The following TUSC3 variants were observed in gnomAD, a reference collection of about 807,000 sequenced individuals.
TUSC3 encodes dolichyl-diphosphooligosaccharide--protein glycosyltransferase subunit TUSC3.
In TUSC3, 45 loss-of-function variants were observed where a neutral mutation model predicts 44.8. That is an observed-to-expected ratio of 1.00 (90% CI 0.79 to 1.29). The LOEUF (loss-of-function observed/expected upper bound fraction) is 1.29, where lower values mean the gene tolerates loss of function less well. TUSC3 is among the 50% of genes most tolerant of loss of function. The probability of loss-of-function intolerance (pLI) is 0.00; values close to 1 mark genes in which losing one functional copy is unlikely to be tolerated. For missense variants in TUSC3, 519 were observed against 437.9 expected, an observed-to-expected ratio of 1.19 and a Z score of -1.65; for synonymous variants, 212 against 152.9, an observed-to-expected ratio of 1.39 and a Z score of -2.85.
At chr8:15,660,081 C>A (rs910066263) in intron 4 of TUSC3, among the ~76,000 whole-genome samples, 1 of 152,000 alleles carries the variant, frequency 6.6e-6, no homozygotes, top group Admixed American at 6.6e-5. Flanking sequence ...TGTAACCATA[C>A]TAATAGCATG....
chr8:15,447,478 A>G (rs1421911577), intron 1 of TUSC3, among the ~76,000 whole-genome samples: 4 of 152,186 alleles, frequency 2.6e-5, no homozygotes, highest in Admixed American at 1.3e-4. Context: ...GTTTCCTAGG[A>G]AGAAATTTTA....
chr8:15,575,803 G>T (rs1803077216), intron 1 of TUSC3, among the ~76,000 whole-genome samples: 1 of 151,966 alleles, frequency 6.6e-6, no homozygotes, highest in Non-Finnish European at 1.5e-5. Flanking sequence ...ATGTACTTTT[G>T]CAAATATTAT....
At chr8:15,520,795 A>T (rs1289160090) in intron 2 of TUSC3, among the ~76,000 whole-genome samples, 1 of 152,216 alleles carries the variant, frequency 6.6e-6, no homozygotes, top group Non-Finnish European at 1.5e-5. Flanking sequence ...ACATACAGTA[A>T]GGTTTTTCTG....
intron 6 of TUSC3, among the ~76,000 whole-genome samples, chr8:15,729,446 A>G (rs1301558592): frequency 6.6e-6 from 1 of 152,188 alleles, no homozygotes; most frequent in African/African-American, 2.4e-5. Flanking sequence ...GGAAGATGAC[A>G]GGTAATAACT....
At chr8:15,434,715 G>C (rs559738622) in intron 1 of TUSC3, among the ~76,000 whole-genome samples, 3 of 151,536 alleles carry the variant, frequency 2.0e-5, no homozygotes, top group Non-Finnish European at 2.9e-5. Context: ...GCCCCGGTGT[G>C]TGATATTCCC....
At chr8:15,441,058 C>T (rs1585790372) in intron 1 of TUSC3, among the ~76,000 whole-genome samples, 1 of 152,148 alleles carries the variant, frequency 6.6e-6, no homozygotes, top group East Asian at 1.9e-4. Flanking sequence ...AGTTTGGTTT[C>T]TTTCATTTGC....
At chr8:15,453,256 AT>A (rs33928416) in intron 1 of TUSC3, among the ~76,000 whole-genome samples, 127,702 of 151,980 alleles carry the variant, frequency 0.84, 54,657 homozygotes, top group Non-Finnish European at 0.92. Context: ...TGCCATAATT[AT>A]TTTCAAATTT....
chr8:15,607,121 A>G (rs1353245853), intron 1 of TUSC3, among the ~76,000 whole-genome samples: 1 of 152,052 alleles, frequency 6.6e-6, no homozygotes, highest in Non-Finnish European at 1.5e-5. Flanking sequence ...TAAAAAGGGC[A>G]TTTCTCCTGC....
chr8:15,739,785 G>T (rs1354112915), intron 7 of TUSC3, among the ~76,000 whole-genome samples: 4 of 152,134 alleles, frequency 2.6e-5, no homozygotes, highest in African/African-American at 9.7e-5. Flanking sequence ...TTTGCCCAAT[G>T]CTTGTTATCA....
chr8:15,564,431 A>G (rs1293477811), intron 1 of TUSC3, among the ~76,000 whole-genome samples: 2 of 152,182 alleles, frequency 1.3e-5, no homozygotes, highest in African/African-American at 4.8e-5. Context: ...TCTACCGTAT[A>G]TTATTACTGA....
the TUSC3 span, among the ~76,000 whole-genome samples, chr8:15,832,451 A>G: frequency 6.6e-6 from 1 of 152,170 alleles, no homozygotes; most frequent in Non-Finnish European, 1.5e-5. Flanking sequence ...CTTGAAGGTA[A>G]ATGGGCTAAA....
the TUSC3 span, among the ~76,000 whole-genome samples, chr8:15,841,478 T>C: frequency 3.3e-5 from 5 of 152,274 alleles, no homozygotes; most frequent in South Asian, 1.0e-3. Flanking sequence ...TTATACTAAT[T>C]ATAATGCAAA....
chr8:15,597,250 G>T (rs1254796977), intron 1 of TUSC3, among the ~76,000 whole-genome samples: 1 of 152,098 alleles, frequency 6.6e-6, no homozygotes, highest in South Asian at 2.1e-4. Context: ...CTCAGGATCT[G>T]TCTACACTGA....
chr8:15,439,596 G>T (rs1436907325), intron 1 of TUSC3, among the ~76,000 whole-genome samples: 2 of 152,120 alleles, frequency 1.3e-5, no homozygotes, highest in Non-Finnish European at 2.9e-5. Context: ...ACATGAAAGG[G>T]CAAATGGAAG....
At chr8:15,540,890 T>A (rs1196805078) in intron 1 of TUSC3, among the ~76,000 whole-genome samples, 1 of 152,248 alleles carries the variant, frequency 6.6e-6, no homozygotes, top group Non-Finnish European at 1.5e-5. Flanking sequence ...GTGTTGGATG[T>A]GAAAATACCC....
intron 1 of TUSC3, among the ~76,000 whole-genome samples, chr8:15,467,646 C>G (rs1800431144): frequency 6.6e-6 from 1 of 152,122 alleles, no homozygotes; most frequent in Admixed American, 6.6e-5. Context: ...AAACTGCTGT[C>G]CATGTGGCAA....
chr8:15,826,470 A>C, the TUSC3 span, among the ~76,000 whole-genome samples: 1 of 152,214 alleles, frequency 6.6e-6, no homozygotes, highest in Non-Finnish European at 1.5e-5. Flanking sequence ...ACATTATATT[A>C]ATATATTGCA....
intron 6 of TUSC3, 93 bp downstream of exon 6, chr8:15,673,929 T>G (rs1808069056): frequency 7.2e-6 from 8 of 1,115,200 alleles, no homozygotes; most frequent in Non-Finnish European, 5.3e-6. Flanking sequence ...AGGAAAAGAT[T>G]CTGTTTGTCA....
chr8:15,840,666 C>G, the TUSC3 span, among the ~76,000 whole-genome samples: 4 of 152,146 alleles, frequency 2.6e-5, no homozygotes, highest in South Asian at 6.2e-4. Context: ...AAAATAGGTC[C>G]TGCTCAGAAA....
Sources: gnomAD v4.1 joint callset for allele counts (sites outside exome capture counted in the v4.1 genomes callset) on GRCh38, gnomAD v4.1.1 for gene constraint, MANE v1.5 for transcripts, NCBI Gene and HGNC (gene_info 2026-07-23, HGNC 2026-07-21) for gene names.